The following DDX11 variants were observed in gnomAD, a reference collection of about 807,000 sequenced individuals.
DDX11 encodes DEAD/H-box helicase 11.
Under a neutral mutation model 125.2 loss-of-function variants are expected in DDX11, and 72 were observed. The observed-to-expected ratio is 0.58, with a 90% CI of 0.48 to 0.70. The LOEUF is 0.70. Ranked by LOEUF, DDX11 falls within the 30% of genes least tolerant of loss-of-function variation. The pLI is 0.00. For missense variants in DDX11, 883 were observed against 1,165.0 expected, an observed-to-expected ratio of 0.76 and a Z score of 3.52; for synonymous variants, 347 against 452.6, an observed-to-expected ratio of 0.77 and a Z score of 2.96.
In DDX11 at chr12:31,090,110, G is replaced by A. The variant is rs1943936867; in HGVS notation, c.1089+16G>A. 1 of 1,549,214 alleles carries A rather than the reference G, an allele frequency of 6.5e-7. No individual in the cohort carries two copies. Among genetic ancestry groups the A allele is most frequent in the Admixed American group, 2.0e-5 (1 of 50,996 alleles). ...TGCAGCCCAGGTGAGGGCCCTGCAG[G>A]GCCAGAAAGCCGCTCTTGACTCTCA... On this transcript the variant is annotated intron_variant, in intron 9 of 26. Coordinates refer to ENST00000542838, the MANE Select transcript of DDX11 (RefSeq NM_030653.4).
In DDX11 at chr12:31,083,871, A is replaced by G. The variant is rs1592620744; in HGVS notation, c.203A>G (p.Lys68Arg). The change falls in exon 3 of 27, where the codon AAG (lysine) becomes AGG (arginine). Residue 68 changes from lysine to arginine, a missense_variant. Around this residue, in one of 5 missense-constraint regions of DDX11, gnomAD observed 283 missense variants for 359.6 expected, o/e 0.79. Transcript: ENST00000542838. Reference protein sequence around the residue: ...ALSWLRDFEQKKREEEARLLE... With the variant: ...ALSWLRDFEQRKREEEARLLE... ...TCTTGGCTCCGTGACTTTGAACAGA[A>G]GAAGCGTGAAGAAGAGGCACGACTC... is the stretch of plus-strand genomic sequence containing the variant. The G allele has an allele frequency of 1.2e-6, 2 of 1,612,922 alleles. No individual in the cohort carries two copies. The highest frequency in any genetic ancestry group is 2.2e-5 in the South Asian group (2 of 91,020).
intron 23 of DDX11, chr12:31,102,730 G>A (rs1946608807): frequency 1.4e-6 from 1 of 710,166 alleles, no homozygotes; most frequent in South Asian, 1.7e-5. Context: ...ACCCATTGCT[G>A]TATCAGGACC....
At chr12:31,094,865 C>G in intron 14 of DDX11, 43 bp downstream of exon 14, 2 of 1,594,414 alleles carry the variant, frequency 1.3e-6, no homozygotes, top group Non-Finnish European at 1.7e-6. Context: ...CAATTTCCTT[C>G]CTGTCACCAC....
At chr12:31,089,700 G>T (rs369620051) in intron 8 of DDX11, 186 bp from the exon 9 acceptor site, 4 of 1,247,424 alleles carry the variant, frequency 3.2e-6, no homozygotes, top group Non-Finnish European at 3.4e-6. Context: ...GATTTTACGG[G>T]CTCTTTCTGG....
At chr12:31,095,691 G>A (rs1945094706) in intron 14 of DDX11, among the ~76,000 whole-genome samples, 1 of 152,016 alleles carries the variant, frequency 6.6e-6, no homozygotes, top group Admixed American at 6.6e-5. Context: ...GCCTGAGACA[G>A]TCCTGCCGTC....
At position 31,103,614 on chromosome 12, in the gene DDX11, A is replaced by G. The variant is rs749491531; in HGVS notation, c.2574A>G (p.Val858=). 3.1e-6 allele frequency: 5 copies of G among 1,613,990 alleles called. No individual in the cohort carries two copies. The highest frequency in any genetic ancestry group is 4.5e-5 in the East Asian group (2 of 44,876). ...AIRHQKDFAS[V]VLLDQRYARP... is the part of the protein sequence containing the mutation. ...GGCACCAGAAGGATTTTGCCAGCGT[A>G]GTGCTCCTGGACCAGCGATATGCCC... is the stretch of plus-strand genomic sequence containing the variant. Residue 858 remains valine, a synonymous_variant, in exon 26 of 27, where the codon GTA becomes GTG. Coordinates refer to ENST00000542838, the MANE Select transcript of DDX11 (RefSeq NM_030653.4).
At chr12:31,083,374 T>C (rs1226253307) in intron 2 of DDX11, among the ~76,000 whole-genome samples, 1 of 151,514 alleles carries the variant, frequency 6.6e-6, no homozygotes, top group African/African-American at 2.4e-5. Context: ...CTGATCATCC[T>C]GTATCCACGC....
chr12:31,084,519 C>G, intron 3 of DDX11, 64 bp from the exon 4 acceptor site: 1 of 1,443,110 alleles, frequency 6.9e-7, no homozygotes, highest in Non-Finnish European at 9.6e-7. Flanking sequence ...GTGGCCCAGA[C>G]TCCTTAGGAG....
rs571942872 is a variant in DDX11 at position 31,091,344 on chromosome 12, G to A, written c.1090-375G>A. 9.7e-4 allele frequency: 202 copies of A among 208,576 alleles called. 6 individuals carry two copies. In the Admixed American group the frequency reaches 9.9e-3, roughly 10 times the overall value. The allele number at this position is 208,576 out of a possible 1,614,324, so 12.9% of individuals were successfully genotyped here. ...ACAACTCTTCCAGAGTCACACAGCT[G>A]GGGAGTAGCAGCTCCAGGAGTAGAA... On this transcript the variant is annotated intron_variant, in intron 9 of 26. Transcript: ENST00000542838.
intron 5 of DDX11, chr12:31,086,213 G>A (rs1341078422): frequency 1.4e-5 from 6 of 440,644 alleles, no homozygotes; most frequent in Non-Finnish European, 2.3e-5. Flanking sequence ...CCTGGCTCAG[G>A]TGTCGTCTTG....
intron 14 of DDX11, among the ~76,000 whole-genome samples, chr12:31,095,377 C>A (rs1378035226): frequency 5.9e-5 from 9 of 152,174 alleles, no homozygotes; most frequent in African/African-American, 2.2e-4. Context: ...ATCCTTTTGC[C>A]CCAGCAAGGA....
At chr12:31,093,720 CAAAAAAAAAAAAAAA>C (rs71052461) in intron 12 of DDX11, 5 of 56,352 alleles carry the variant, frequency 8.9e-5, no homozygotes, top group South Asian at 3.8e-4. Context: ...GAATCAGTCT[CAAAAAAAAAAAAAAA>C]AAAAAAAAAG....
At position 31,102,617 on chromosome 12, in the gene DDX11, A is replaced by G. The variant is rs927128326; in HGVS notation, c.2372+90A>G. 2.2e-5 allele frequency: 28 copies of G among 1,246,114 alleles called. No homozygotes were observed. In the African/African-American group the frequency reaches 3.6e-4, roughly 16 times the overall value. The allele number at this position is 1,246,114 out of a possible 1,614,324, so 77.2% of individuals were successfully genotyped here. On this transcript the variant is annotated intron_variant, in intron 23 of 26. Transcript: ENST00000542838. ...GGGCCCCTGCCTGCTCTCTGCTGCCATTAGAGCCCACAGCTGGGCTGCGAC... is the reference window on the plus strand; with the variant it reads ...GGGCCCCTGCCTGCTCTCTGCTGCCGTTAGAGCCCACAGCTGGGCTGCGAC...
intron 17 of DDX11, 137 bp from the exon 18 acceptor site, chr12:31,097,748 T>G (rs1724909261): frequency 1.5e-6 from 1 of 675,400 alleles, no homozygotes; most frequent in African/African-American, 1.8e-5. Context: ...GTCCTAGAGA[T>G]TAAATGGTGT....
rs1313104461 is a variant in DDX11, at chr12:31,077,862, G to T, written c.-4-528G>T. The T allele has an allele frequency of 9.1e-3, 1,414 of 155,446 alleles. 17 individuals are homozygous for T. The highest frequency in any genetic ancestry group is 0.048 in the African/African-American group (1,323 of 27,384). The allele number at this position is 155,446 out of a possible 1,614,324, so 9.6% of individuals were successfully genotyped here. ...CTGTCTCGAAAAAAAAAAAAAAAAA[G>T]ATAGGGACGTGTATGTTAACTTGCG... On this transcript the variant is annotated intron_variant, in intron 1 of 26. Coordinates refer to ENST00000542838, the MANE Select transcript of DDX11 (RefSeq NM_030653.4).
intron 9 of DDX11, chr12:31,091,425 G>T: frequency 2.8e-6 from 1 of 362,898 alleles, no homozygotes; most frequent in East Asian, 6.6e-5. Context: ...GAAACTCGGG[G>T]GCCTCCGGGG....
Position 31,096,638 on chromosome 12 carries a change from T to C in DDX11, c.1523T>C (p.Leu508Pro). The C allele has an allele frequency of 6.2e-7, 1 of 1,613,252 alleles. No homozygotes were observed. The highest frequency in any genetic ancestry group is 8.5e-7 in the Non-Finnish European group (1 of 1,179,870). The stretch of plus-strand genomic sequence containing the variant: ...ACTGCTCTCTCTCATCCCACCCAGC[T>C]CTTTGGATTCACTGAACGGTACGGA... ...YCEKSMISRK[L>P]FGFTERYGAV... The change falls in exon 16 of 27, where the codon CTC (leucine) becomes CCC (proline). Residue 508 changes from leucine (L) to proline (P), a missense_variant and splice_region_variant. Physicochemically the swap from Leu to Pro is moderately conservative, Grantham distance 98. Around this residue, in one of 5 missense-constraint regions of DDX11, gnomAD observed 241 missense variants for 279.7 expected, o/e 0.86. Transcript: ENST00000542838.
At chr12:31,085,885 G>T in intron 5 of DDX11, 1 of 364,444 alleles carries the variant, frequency 2.7e-6, no homozygotes, top group South Asian at 2.0e-5. Flanking sequence ...TGGATGGGGT[G>T]GGGGGCTGCA....
At chr12:31,088,111 T>G in intron 6 of DDX11, 128 bp downstream of exon 6, 1 of 1,400,578 alleles carries the variant, frequency 7.1e-7, no homozygotes, top group Non-Finnish European at 9.9e-7. Context: ...CTTCCAGCAC[T>G]TGGACTCCGT....
Sources: gnomAD v4.1 joint callset for allele counts (sites outside exome capture counted in the v4.1 genomes callset) on GRCh38, gnomAD v4.1.1 for gene constraint, gnomAD v4.1.1 regional missense constraint, MANE v1.5 for transcripts, NCBI Gene and HGNC (gene_info 2026-07-23, HGNC 2026-07-21) for gene names.